The following TNRC6B variants were observed in gnomAD, a reference collection of about 807,000 sequenced individuals.
The protein encoded by TNRC6B is trinucleotide repeat containing adaptor 6B.
Under a neutral mutation model 203.6 loss-of-function variants are expected in TNRC6B, and 52 were observed. The ratio of observed to expected loss-of-function variants is 0.26; its 90% CI spans 0.20 to 0.32. TNRC6B has a LOEUF of 0.32. Among genes scored for constraint, TNRC6B ranks in the 10% least tolerant of loss-of-function variants. The pLI is 1.00. For missense variants in TNRC6B, 1,923 were observed against 2,286.2 expected (o/e 0.84, Z 3.24); for synonymous variants, 838 against 845.7 (o/e 0.99, Z 0.16).
intron 1 of TNRC6B, among the ~76,000 whole-genome samples, chr22:40,226,051 TGAA>T (rs1015719015): frequency 1.3e-5 from 2 of 152,240 alleles, no homozygotes; most frequent in Non-Finnish European, 2.9e-5. Context: ...TAATTTTAGT[TGAA>T]GAATTGGGTC....
At chr22:40,172,916 A>C (rs1313718593) in intron 4 of TNRC6B, among the ~76,000 whole-genome samples, 2 of 152,118 alleles carry the variant, frequency 1.3e-5, no homozygotes, top group African/African-American at 4.8e-5. Context: ...ACTATCATCC[A>C]TCTTATTTAA....
chr22:40,105,748 C>G (rs2068277589), intron 1 of TNRC6B, among the ~76,000 whole-genome samples: 1 of 152,042 alleles, frequency 6.6e-6, no homozygotes. Context: ...GCTGTGTGTG[C>G]CTTTGGGGTA....
At chr22:40,164,225 G>C (rs1377422592) in intron 4 of TNRC6B, among the ~76,000 whole-genome samples, 1 of 145,194 alleles carries the variant, frequency 6.9e-6, no homozygotes, top group Non-Finnish European at 1.5e-5. Flanking sequence ...CTACTAAAAA[G>C]AAAAAAAAAA....
chr22:40,131,235 T>C (rs2068542546), intron 3 of TNRC6B, among the ~76,000 whole-genome samples: 1 of 152,116 alleles, frequency 6.6e-6, no homozygotes. Flanking sequence ...AGAAGTCTTA[T>C]TGGAGGAAGT....
chr22:40,165,199 C>T (rs908230110), intron 4 of TNRC6B, among the ~76,000 whole-genome samples: 2 of 149,952 alleles, frequency 1.3e-5, no homozygotes, highest in Non-Finnish European at 3.0e-5. Context: ...CTTTTTGAGA[C>T]AGGGTCTCTC....
intron 1 of TNRC6B, among the ~76,000 whole-genome samples, chr22:40,183,053 T>A (rs1422896319): frequency 9.6e-6 from 1 of 104,064 alleles, no homozygotes; most frequent in Non-Finnish European, 1.8e-5. Flanking sequence ...CTCACTGTTG[T>A]ATCCCCAACA....
At chr22:40,192,566 G>A (rs990001724) in intron 1 of TNRC6B, among the ~76,000 whole-genome samples, 77 of 152,218 alleles carry the variant, frequency 5.1e-4, no homozygotes, top group African/African-American at 1.8e-3. Flanking sequence ...GCAGTGAGCC[G>A]AGATCGAGCC....
chr22:40,150,385 T>A (rs896739493), intron 3 of TNRC6B, among the ~76,000 whole-genome samples: 3 of 151,958 alleles, frequency 2.0e-5, no homozygotes, highest in South Asian at 2.1e-4. Flanking sequence ...CTCAAAAAAA[T>A]ATATATTTTT....
At chr22:40,149,358 G>T (rs1026588118) in intron 3 of TNRC6B, among the ~76,000 whole-genome samples, 1 of 152,078 alleles carries the variant, frequency 6.6e-6, no homozygotes, top group African/African-American at 2.4e-5. Context: ...CCTAGGCAGG[G>T]TCACAGGAGA....
intron 1 of TNRC6B, among the ~76,000 whole-genome samples, chr22:40,193,880 A>G (rs2069303665): frequency 6.6e-6 from 1 of 152,120 alleles, no homozygotes; most frequent in African/African-American, 2.4e-5. Flanking sequence ...AAAGACTGCA[A>G]AGAGAACCGG....
At chr22:40,295,625 G>C (rs572589856) in intron 12 of TNRC6B, among the ~76,000 whole-genome samples, 3 of 152,126 alleles carry the variant, frequency 2.0e-5, no homozygotes, top group African/African-American at 4.8e-5. Flanking sequence ...CAATGGAGAT[G>C]GGGAAGCTTT....
chr22:40,300,132 G>C (rs968708426), intron 12 of TNRC6B, among the ~76,000 whole-genome samples: 4 of 152,052 alleles, frequency 2.6e-5, no homozygotes, highest in Non-Finnish European at 4.4e-5. Context: ...CACATTTCCA[G>C]TAATAATTTC....
chr22:40,295,233 C>CAAAAAAAAATGA (rs2070923059), intron 12 of TNRC6B, among the ~76,000 whole-genome samples: 1 of 152,002 alleles, frequency 6.6e-6, no homozygotes, highest in African/African-American at 2.4e-5. Context: ...CCTAGCATTT[C>CAAAAAAAAATGA]GGGAGTCCGA....
At chr22:40,063,018 C>G (rs150411380) in intron 1 of TNRC6B, among the ~76,000 whole-genome samples, 1 of 151,812 alleles carries the variant, frequency 6.6e-6, no homozygotes, top group Non-Finnish European at 1.5e-5. Flanking sequence ...TCACAATGAT[C>G]TAATTCTATA....
At chr22:40,095,647 C>T (rs1397291820) in intron 1 of TNRC6B, among the ~76,000 whole-genome samples, 1 of 150,686 alleles carries the variant, frequency 6.6e-6, no homozygotes, top group Non-Finnish European at 1.5e-5. Flanking sequence ...GAGCCCACAG[C>T]CTAACATTAT....
At chr22:40,218,665 A>G (rs1409630431) in intron 1 of TNRC6B, among the ~76,000 whole-genome samples, 1 of 152,098 alleles carries the variant, frequency 6.6e-6, no homozygotes, top group Non-Finnish European at 1.5e-5. Context: ...GTAAAGACTG[A>G]CAGACATTCT....
chr22:40,247,215 A>G (rs939099937), intron 2 of TNRC6B, among the ~76,000 whole-genome samples: 2 of 152,092 alleles, frequency 1.3e-5, no homozygotes, highest in African/African-American at 4.8e-5. Context: ...TGTTACTGCT[A>G]TGTAAAGCAT....
intron 3 of TNRC6B, among the ~76,000 whole-genome samples, chr22:40,146,667 C>T (rs1347334031): frequency 6.7e-6 from 1 of 148,780 alleles, no homozygotes; most frequent in Non-Finnish European, 1.5e-5. Flanking sequence ...CCTAGCAGTT[C>T]TCCTACCTCA....
intron 3 of TNRC6B, among the ~76,000 whole-genome samples, chr22:40,142,531 G>A (rs762759629): frequency 3.9e-5 from 6 of 152,156 alleles, no homozygotes; most frequent in Non-Finnish European, 5.9e-5. Flanking sequence ...ACTGTGTTCC[G>A]TGTAGCAGAA....
Sources: gnomAD v4.1 joint callset for allele counts (sites outside exome capture counted in the v4.1 genomes callset) on GRCh38, gnomAD v4.1.1 for gene constraint, MANE v1.5 for transcripts, NCBI Gene and HGNC (gene_info 2026-07-23, HGNC 2026-07-21) for gene names.